The following SLC8A1 variants were observed in gnomAD, a reference collection of about 807,000 sequenced individuals.
SLC8A1 encodes sodium/calcium exchanger 1.
Under a neutral mutation model 68.3 loss-of-function variants are expected in SLC8A1, and 18 were observed. The observed-to-expected ratio is 0.26, with a 90% CI of 0.18 to 0.39. The LOEUF (loss-of-function observed/expected upper bound fraction) is 0.39. SLC8A1 is among the 10% of genes least tolerant of loss of function. The probability of loss-of-function intolerance (pLI) is 1.00; values close to 1 mark genes in which losing one functional copy is unlikely to be tolerated. For synonymous variants in SLC8A1, 475 were observed against 415.5 expected, an observed-to-expected ratio of 1.14 and a Z score of -1.74; for missense variants, 985 against 1,156.7, an observed-to-expected ratio of 0.85 and a Z score of 2.15.
At chr2:40,508,133 AC>A (rs1706485473) in intron 1 of SLC8A1, among the ~76,000 whole-genome samples, 1 of 152,066 alleles carries the variant, frequency 6.6e-6, no homozygotes, top group Admixed American at 6.6e-5. Flanking sequence ...AGATTAAGGA[AC>A]TAGAGTTCTA....
Position 40,264,704 on chromosome 2 carries a change from G to C in SLC8A1, c.1809-86849C>G, listed in dbSNP as rs769738187. Among the ~76,000 whole-genome samples the C allele has an allele frequency of 4.6e-5, 7 of 152,176 alleles. No homozygotes were observed. The South Asian group carries it at 1.4e-3, about 32-fold the overall frequency. On this transcript the variant is annotated intron_variant, in intron 2 of 7. Transcript: ENST00000406785. Reference sequence around the variant, plus strand: ...ATCACACTCTGAGGACTGTTGTGGGGTGGGGTGAGGGAGAGGGATAGCATT... The same window carrying C: ...ATCACACTCTGAGGACTGTTGTGGGCTGGGGTGAGGGAGAGGGATAGCATT...
intron 2 of SLC8A1, among the ~76,000 whole-genome samples, chr2:40,373,887 T>A (rs1260317352): frequency 6.6e-6 from 1 of 152,160 alleles, no homozygotes; most frequent in Non-Finnish European, 1.5e-5. Context: ...GGTTTAGGTA[T>A]TCTCTTTCAG....
chr2:40,415,355 A>C (rs1488054117), intron 2 of SLC8A1, among the ~76,000 whole-genome samples: 1 of 152,082 alleles, frequency 6.6e-6, no homozygotes, highest in Non-Finnish European at 1.5e-5. Context: ...ACAATCCTAC[A>C]GATCTACTTC....
intron 2 of SLC8A1, among the ~76,000 whole-genome samples, chr2:40,191,726 T>C (rs2051886528): frequency 6.6e-6 from 1 of 152,202 alleles, no homozygotes; most frequent in South Asian, 2.1e-4. Context: ...AATGTGCCCA[T>C]TGATTGTAGA....
intron 1 of SLC8A1, among the ~76,000 whole-genome samples, chr2:40,496,641 G>A (rs1705720331): frequency 1.3e-5 from 2 of 151,966 alleles, no homozygotes; most frequent in Admixed American, 1.3e-4. Flanking sequence ...CCCTCACTTT[G>A]AGCCTGGTAA....
chr2:40,349,005 T>C (rs1437248432), intron 2 of SLC8A1, among the ~76,000 whole-genome samples: 1 of 152,194 alleles, frequency 6.6e-6, no homozygotes, highest in East Asian at 1.9e-4. Context: ...CTGAGGAATG[T>C]GGCTCTTCTT....
At chr2:40,198,229 A>G (rs2053465089) in intron 2 of SLC8A1, among the ~76,000 whole-genome samples, 1 of 151,988 alleles carries the variant, frequency 6.6e-6, no homozygotes, top group South Asian at 2.1e-4. Context: ...TTAGAAGTAA[A>G]GGAGGGATTA....
chr2:40,205,613 C>CACAGAGGG (rs2148736480), intron 2 of SLC8A1, among the ~76,000 whole-genome samples: 1 of 151,986 alleles, frequency 6.6e-6, no homozygotes, highest in South Asian at 2.1e-4. Flanking sequence ...CACATGGACA[C>CACAGAGGG]ACAGAGGGGA....
chr2:40,418,368 C>A (rs1225018954), intron 2 of SLC8A1, among the ~76,000 whole-genome samples: 1 of 152,126 alleles, frequency 6.6e-6, no homozygotes, highest in Non-Finnish European at 1.5e-5. Flanking sequence ...ATCCCAGAAA[C>A]AACCCACAAA....
intron 2 of SLC8A1, among the ~76,000 whole-genome samples, chr2:40,253,150 C>CT (rs2063229085): frequency 9.8e-6 from 1 of 102,184 alleles, no homozygotes; most frequent in African/African-American, 4.1e-5. Context: ...TATGTATATA[C>CT]ATACATATAT....
intron 2 of SLC8A1, among the ~76,000 whole-genome samples, chr2:40,337,114 T>A (rs970304178): frequency 1.3e-5 from 2 of 152,146 alleles, no homozygotes; most frequent in African/African-American, 4.8e-5. Context: ...CATATAAGCA[T>A]GATAATTGTG....
At chr2:40,414,466 G>T (rs1166058680) in intron 2 of SLC8A1, among the ~76,000 whole-genome samples, 1 of 152,138 alleles carries the variant, frequency 6.6e-6, no homozygotes, top group African/African-American at 2.4e-5. Flanking sequence ...GGTAACTAAA[G>T]CCCTCAGTAA....
At chr2:40,141,576 G>C (rs570989946) in intron 6 of SLC8A1, among the ~76,000 whole-genome samples, 1 of 152,304 alleles carries the variant, frequency 6.6e-6, no homozygotes, top group East Asian at 1.9e-4. Context: ...ATGTTTGTGA[G>C]TGAAAAAGCA....
chr2:40,364,906 G>C (rs1177956574), intron 2 of SLC8A1, among the ~76,000 whole-genome samples: 3 of 151,952 alleles, frequency 2.0e-5, no homozygotes, highest in African/African-American at 7.2e-5. Flanking sequence ...AACAGCTTTG[G>C]AGTGTGTGCA....
At chr2:40,145,119 A>G (rs2042215071) in intron 6 of SLC8A1, among the ~76,000 whole-genome samples, 1 of 151,948 alleles carries the variant, frequency 6.6e-6, no homozygotes, top group Non-Finnish European at 1.5e-5. Flanking sequence ...CTTCATTCCT[A>G]TCTTGGTGTA....
chr2:40,187,366 A>C (rs188935368), intron 2 of SLC8A1, among the ~76,000 whole-genome samples: 2 of 152,284 alleles, frequency 1.3e-5, no homozygotes, highest in East Asian at 3.9e-4. Context: ...AGCTAAACCA[A>C]AGTAATTCTC....
At chr2:40,145,367 A>C (rs1459741260) in intron 6 of SLC8A1, among the ~76,000 whole-genome samples, 1 of 152,080 alleles carries the variant, frequency 6.6e-6, no homozygotes, top group Non-Finnish European at 1.5e-5. Context: ...TCTGAATCAA[A>C]CATCTTGGTT....
intron 2 of SLC8A1, among the ~76,000 whole-genome samples, chr2:40,398,840 T>C (rs10490048): frequency 0.13 from 20,375 of 152,184 alleles, 4,407 homozygotes; most frequent in African/African-American, 0.46. Flanking sequence ...CCCAGTTTGA[T>C]TGATAAATGA....
At chr2:40,148,515 T>C (rs2042875437) in intron 6 of SLC8A1, among the ~76,000 whole-genome samples, 1 of 152,178 alleles carries the variant, frequency 6.6e-6, no homozygotes, top group Non-Finnish European at 1.5e-5. Flanking sequence ...ATGGCCTCGG[T>C]TTGCACAATA....
Sources: allele counts gnomAD v4.1 joint callset (sites outside exome capture counted in the v4.1 genomes callset), GRCh38; gene constraint gnomAD v4.1.1; transcripts MANE v1.5; gene names NCBI Gene and HGNC (gene_info 2026-07-23, HGNC 2026-07-21).